NTN1: variants seen among roughly 807,000 people sequenced by gnomAD.
NTN1 encodes the protein netrin-1.
In NTN1, 11 loss-of-function variants were observed where a neutral mutation model predicts 54.2. The ratio of observed to expected loss-of-function variants is 0.20; its 90% CI spans 0.13 to 0.34. NTN1 has a LOEUF of 0.34. Among genes scored for constraint, NTN1 ranks in the 10% least tolerant of loss-of-function variants. NTN1 has a pLI of 1.00. For missense variants in NTN1, 740 were observed against 893.1 expected (o/e 0.83, Z 2.18); for synonymous variants, 371 against 382.0 (o/e 0.97, Z 0.33).
intron 2 of NTN1, among the ~76,000 whole-genome samples, chr17:9,106,834 C>G (rs1015629162): frequency 7.1e-6 from 1 of 141,606 alleles, no homozygotes; most frequent in Non-Finnish European, 1.5e-5. Flanking sequence ...CATTTCAGAA[C>G]CTTTTGTTGT....
intron 2 of NTN1, 46 bp downstream of exon 2, chr17:9,023,437 G>T: frequency 7.5e-7 from 1 of 1,341,820 alleles, no homozygotes; most frequent in Non-Finnish European, 9.5e-7. Context: ...GGGGCCGCGG[G>T]CGGGAGCTGC....
chr17:9,181,891 G>A (rs918959818), intron 4 of NTN1, among the ~76,000 whole-genome samples: 1 of 152,246 alleles, frequency 6.6e-6, no homozygotes, highest in Non-Finnish European at 1.5e-5. Context: ...CCGATGAGCA[G>A]TGGGGACTGG....
Position 9,107,184 on chromosome 17 carries a change from G to A in NTN1, c.1019-55629G>A, listed in dbSNP as rs186880518. Among the ~76,000 whole-genome samples, 6 of 152,282 alleles carry A rather than the reference G, an allele frequency of 3.9e-5. No individual in the cohort carries two copies. The East Asian group carries it at 5.8e-4, about 15-fold the overall frequency. ...CTGAGGCAGAAGTTATCCTTTAAGC[G>A]CCAAATTTGTTTAGCTATTATTACC... On this transcript the variant is annotated intron_variant, in intron 2 of 6. Transcript: ENST00000173229.
chr17:9,086,491 A>G (rs1002176808), intron 2 of NTN1, among the ~76,000 whole-genome samples: 2 of 152,190 alleles, frequency 1.3e-5, no homozygotes, highest in Admixed American at 6.5e-5. Flanking sequence ...CTAGAGGGGA[A>G]TGTACACCAG....
At chr17:9,133,869 AG>A (rs1189862837) in intron 2 of NTN1, among the ~76,000 whole-genome samples, 8 of 112,276 alleles carry the variant, frequency 7.1e-5, no homozygotes, top group Admixed American at 2.0e-4. Flanking sequence ...CAAAGTGCTG[AG>A]ATTACAGGCA....
intron 2 of NTN1, among the ~76,000 whole-genome samples, chr17:9,124,359 A>C (rs1478433539): frequency 6.6e-6 from 1 of 152,178 alleles, no homozygotes; most frequent in Non-Finnish European, 1.5e-5. Context: ...TTGGACAGAC[A>C]TGTCGTGGTG....
chr17:9,225,938 G>A (rs1037192915), intron 6 of NTN1, among the ~76,000 whole-genome samples: 2 of 152,194 alleles, frequency 1.3e-5, no homozygotes, highest in African/African-American at 2.4e-5. Flanking sequence ...TCCAGGCCTC[G>A]CAGACCTTGC....
chr17:9,190,335 T>C (rs2142326881), intron 5 of NTN1, among the ~76,000 whole-genome samples: 1 of 152,310 alleles, frequency 6.6e-6, no homozygotes, highest in Admixed American at 6.5e-5. Flanking sequence ...CCAGAAATAA[T>C]CTGTATATTA....
intron 2 of NTN1, among the ~76,000 whole-genome samples, chr17:9,159,500 A>G (rs2092351657): frequency 6.6e-6 from 1 of 152,216 alleles, no homozygotes; most frequent in South Asian, 2.1e-4. Flanking sequence ...TTTGGTGCCA[A>G]TGTTAAAAAC....
At chr17:9,095,480 T>C (rs2092128397) in intron 2 of NTN1, among the ~76,000 whole-genome samples, 1 of 152,268 alleles carries the variant, frequency 6.6e-6, no homozygotes, top group Admixed American at 6.5e-5. Flanking sequence ...TTTGTCCATG[T>C]GGACCTTTCC....
In NTN1 at chr17:9,210,980, C is replaced by T. The variant is rs1212846792; in HGVS notation, c.1412-10188C>T. ...TTTTAGTGTTTCTTTCTTTCTAACACAAGAATTGTATCCTCATTGCAGTAA... is the reference window on the plus strand; with the variant it reads ...TTTTAGTGTTTCTTTCTTTCTAACATAAGAATTGTATCCTCATTGCAGTAA... On this transcript the variant is annotated intron_variant, in intron 5 of 6. Coordinates refer to ENST00000173229, the MANE Select transcript of NTN1 (RefSeq NM_004822.3). 2.3e-5 allele frequency among the ~76,000 whole-genome samples: 3 copies of T among 128,676 alleles called. No individual in the cohort carries two copies. In the Admixed American group the frequency reaches 2.6e-4, roughly 11 times the overall value. 84.4% of individuals were successfully genotyped at this position (128,676 alleles called of 152,430 possible).
intron 3 of NTN1, chr17:9,176,246 A>C (rs1450311392): frequency 1.3e-5 from 2 of 152,224 alleles, no homozygotes; most frequent in Non-Finnish European, 2.9e-5. Flanking sequence ...TGCGTGGGTG[A>C]GTTTGTAGAT....
rs770685391 is a variant in NTN1, at chr17:9,182,954, G to A, written c.1396G>A (p.Val466Met). 68 of 1,613,850 alleles carry A rather than the reference G, an allele frequency of 4.2e-5. No homozygotes were observed. Among genetic ancestry groups the A allele is most frequent in the South Asian group, 4.2e-4 (38 of 91,066 alleles). Reference protein sequence around the residue: ...VAPPTTAASSVEEPEDCDSYC... With the variant: ...VAPPTTAASSMEEPEDCDSYC... ...GCCGCCGACGACTGCAGCCAGCAGC[G>A]TGGAGGAGCCTGAAGGTAAACGGCC... Residue 466 changes from valine (V) to methionine (M), a missense_variant, in exon 5 of 7, where the codon GTG becomes ATG. Coordinates refer to ENST00000173229, the MANE Select transcript of NTN1 (RefSeq NM_004822.3).
At chr17:9,119,872 A>C (rs2092226823) in intron 2 of NTN1, among the ~76,000 whole-genome samples, 1 of 152,018 alleles carries the variant, frequency 6.6e-6, no homozygotes, top group Admixed American at 6.6e-5. Flanking sequence ...CATTTCCCTG[A>C]TGGCTAATGA....
At chr17:9,108,697 A>G (rs1354874664) in intron 2 of NTN1, among the ~76,000 whole-genome samples, 2 of 152,148 alleles carry the variant, frequency 1.3e-5, no homozygotes, top group Admixed American at 6.6e-5. Context: ...TCATCCTTCA[A>G]GGCTCTGGCG....
At chr17:9,182,429 C>T (rs2092421198) in intron 4 of NTN1, among the ~76,000 whole-genome samples, 1 of 152,250 alleles carries the variant, frequency 6.6e-6, no homozygotes, top group Non-Finnish European at 1.5e-5. Context: ...GCCGTGCTGC[C>T]AACACTTCTC....
intron 6 of NTN1, among the ~76,000 whole-genome samples, chr17:9,228,032 A>G (rs1343131937): frequency 6.6e-6 from 1 of 152,000 alleles, no homozygotes; most frequent in Admixed American, 6.6e-5. Context: ...TGTGGGCCCC[A>G]TCCTGCCCTG....
chr17:9,164,158 G>A lies in NTN1; in HGVS notation c.1207+1157G>A, dbSNP rs573470697. On this transcript the variant is annotated intron_variant, in intron 3 of 6. Transcript: ENST00000173229. The stretch of plus-strand genomic sequence containing the variant: ...TAATTTGCAGGGCCCAGTGCAAAAT[G>A]AAAATAGGGGGCTTCCAGCACTTTG... Among the ~76,000 whole-genome samples the A allele has an allele frequency of 7.2e-5, 11 of 152,356 alleles. No homozygotes were observed. In the South Asian group the frequency reaches 2.3e-3, roughly 32 times the overall value.
intron 2 of NTN1, among the ~76,000 whole-genome samples, chr17:9,098,143 G>A (rs779116804): frequency 1.2e-4 from 18 of 152,184 alleles, no homozygotes; most frequent in Non-Finnish European, 1.2e-4. Flanking sequence ...ACCTGGCATC[G>A]TTTACTTCCA....
Sources: allele counts gnomAD v4.1 joint callset (sites outside exome capture counted in the v4.1 genomes callset), GRCh38; gene constraint gnomAD v4.1.1; transcripts MANE v1.5; gene names NCBI Gene and HGNC (gene_info 2026-07-23, HGNC 2026-07-21).